Variants in EPHA6 observed in about 807,000 individuals in gnomAD.
EPHA6 encodes the protein EPH receptor A6, also known as ephrin type-A receptor 6.
A neutral mutation model predicts 112.0 loss-of-function variants in EPHA6; 50 were observed. The observed-to-expected ratio is 0.45, with a 90% CI of 0.36 to 0.56. The LOEUF is 0.56. Among genes scored for constraint, EPHA6 ranks in the 20% least tolerant of loss-of-function variants. The pLI, the probability that EPHA6 is intolerant of heterozygous loss-of-function variation, is 0.00. For missense variants in EPHA6, 1,280 were observed against 1,417.4 expected (o/e 0.90, Z 1.56); for synonymous variants, 529 against 490.7 (o/e 1.08, Z -1.03).
chr3:97,327,384 TG>T (rs2082485788), intron 5 of EPHA6, among the ~76,000 whole-genome samples: 1 of 152,040 alleles, frequency 6.6e-6, no homozygotes. Context: ...AGTAACATCT[TG>T]CAAAACTGTA....
chr3:97,182,124 T>C (rs905937164), intron 3 of EPHA6, among the ~76,000 whole-genome samples: 19 of 152,004 alleles, frequency 1.2e-4, no homozygotes, highest in African/African-American at 4.3e-4. Flanking sequence ...TTATGTCCCA[T>C]TGGTTTTTCA....
At position 97,149,829 on chromosome 3, in the gene EPHA6, TATGTATTATA is replaced by T. The variant is rs371939172; in HGVS notation, c.1115-76422_1115-76413del. Among the ~76,000 whole-genome samples the T allele has an allele frequency of 7.0e-3, 1,047 of 150,098 alleles. 16 individuals carry two copies. Among genetic ancestry groups the T allele is most frequent in the African/African-American group, 0.024 (1,002 of 41,116 alleles). On this transcript the variant is annotated intron_variant, in intron 3 of 17. Coordinates refer to ENST00000389672, the MANE Select transcript of EPHA6 (RefSeq NM_001080448.3). Reference sequence around the variant, plus strand: ...TATGATATGCCTAATTTTTAAAGAGTATGTATTATAATGTATTATAATACATATAATACAT... The same window carrying T: ...TATGATATGCCTAATTTTTAAAGAGTATGTATTATAATACATATAATACAT...
At chr3:97,128,957 C>T (rs2048261068) in intron 3 of EPHA6, among the ~76,000 whole-genome samples, 1 of 149,300 alleles carries the variant, frequency 6.7e-6, no homozygotes, top group Non-Finnish European at 1.5e-5. Context: ...CTCTGCATCC[C>T]CTGCCTCCTA....
At chr3:97,337,789 T>C (rs2083126497) in intron 5 of EPHA6, among the ~76,000 whole-genome samples, 1 of 152,104 alleles carries the variant, frequency 6.6e-6, no homozygotes, top group Non-Finnish European at 1.5e-5. Context: ...AAAATAAAAT[T>C]CAAGGGTTTC....
At chr3:96,849,388 T>C (rs1457858012) in intron 1 of EPHA6, among the ~76,000 whole-genome samples, 1 of 152,098 alleles carries the variant, frequency 6.6e-6, no homozygotes, top group African/African-American at 2.4e-5. Flanking sequence ...CAGTATTTTA[T>C]TTCTAGAATT....
chr3:97,660,483 C>T (rs578102201), intron 14 of EPHA6, among the ~76,000 whole-genome samples: 2 of 152,128 alleles, frequency 1.3e-5, no homozygotes, highest in South Asian at 4.1e-4. Context: ...ATTTAGCTTG[C>T]CTGGAACAAT....
At chr3:97,247,342 T>C (rs544132302) in intron 5 of EPHA6, among the ~76,000 whole-genome samples, 1 of 152,114 alleles carries the variant, frequency 6.6e-6, no homozygotes, top group East Asian at 1.9e-4. Context: ...AGCCTTTATG[T>C]ACCTTAAAGT....
At chr3:96,975,041 C>A (rs1417348510) in intron 2 of EPHA6, among the ~76,000 whole-genome samples, 4 of 152,012 alleles carry the variant, frequency 2.6e-5, no homozygotes, top group Non-Finnish European at 4.4e-5. Context: ...AGGCTAGAGC[C>A]TTTACTAGGG....
At chr3:97,495,206 T>C (rs1325222837) in intron 10 of EPHA6, among the ~76,000 whole-genome samples, 1 of 151,966 alleles carries the variant, frequency 6.6e-6, no homozygotes, top group African/African-American at 2.4e-5. Flanking sequence ...ATTGACTTTA[T>C]TACTTTTGAG....
At chr3:96,912,151 C>A (rs1295855722) in intron 2 of EPHA6, among the ~76,000 whole-genome samples, 2 of 152,026 alleles carry the variant, frequency 1.3e-5, no homozygotes, top group Non-Finnish European at 2.9e-5. Context: ...TACAGCATTA[C>A]AAAATGGTTA....
intron 7 of EPHA6, among the ~76,000 whole-genome samples, chr3:97,449,401 T>G (rs1343153937): frequency 6.6e-6 from 1 of 152,094 alleles, no homozygotes; most frequent in Non-Finnish European, 1.5e-5. Context: ...GACATCTTTA[T>G]GAAAAAGTGG....
At chr3:96,953,802 A>C (rs2041649701) in intron 2 of EPHA6, among the ~76,000 whole-genome samples, 1 of 152,188 alleles carries the variant, frequency 6.6e-6, no homozygotes, top group African/African-American at 2.4e-5. Context: ...AGTGAATCTT[A>C]AAATGGAATT....
At chr3:97,505,575 A>G (rs2092228438) in intron 10 of EPHA6, among the ~76,000 whole-genome samples, 1 of 152,116 alleles carries the variant, frequency 6.6e-6, no homozygotes, top group African/African-American at 2.4e-5. Flanking sequence ...TGTTTTCTTT[A>G]TCCAGTCTGT....
intron 3 of EPHA6, among the ~76,000 whole-genome samples, chr3:97,092,873 A>G (rs1009616130): frequency 1.2e-4 from 19 of 152,110 alleles, no homozygotes; most frequent in African/African-American, 4.1e-4. Flanking sequence ...AAAATCCCAA[A>G]TATATCTATG....
chr3:97,668,545 T>C (rs530675548), intron 14 of EPHA6, among the ~76,000 whole-genome samples: 14 of 152,212 alleles, frequency 9.2e-5, no homozygotes, highest in African/African-American at 3.1e-4. Flanking sequence ...CTCTGAAATA[T>C]TTTAGCCAGT....
At chr3:97,637,788 AATAAAT>A in intron 13 of EPHA6, 79 bp from the exon 14 acceptor site, 1 of 984,206 alleles carries the variant, frequency 1.0e-6, no homozygotes. Flanking sequence ...GATCCAATAA[AATAAAT>A]ATAAGGATCT....
chr3:97,027,209 G>T (rs370715001), intron 3 of EPHA6, among the ~76,000 whole-genome samples: 13 of 152,272 alleles, frequency 8.5e-5, no homozygotes, highest in Middle Eastern at 3.4e-3. Context: ...AATACCGCAT[G>T]TTCTCACTTA....
At chr3:97,260,462 G>T (rs922092899) in intron 5 of EPHA6, among the ~76,000 whole-genome samples, 5 of 152,196 alleles carry the variant, frequency 3.3e-5, no homozygotes, top group Non-Finnish European at 7.3e-5. Flanking sequence ...AGAATTATAG[G>T]CTAGGTCTAG....
chr3:97,603,448 G>C (rs960546698), intron 12 of EPHA6, among the ~76,000 whole-genome samples: 9 of 151,876 alleles, frequency 5.9e-5, no homozygotes, highest in African/African-American at 9.7e-5. Flanking sequence ...TATCACTAGA[G>C]AAAGTATTTT....
Sources: gnomAD v4.1 joint callset for allele counts (sites outside exome capture counted in the v4.1 genomes callset) on GRCh38, gnomAD v4.1.1 for gene constraint, MANE v1.5 for transcripts, NCBI Gene and HGNC (gene_info 2026-07-23, HGNC 2026-07-21) for gene names.